CSMD3: variants seen among roughly 807,000 people sequenced by gnomAD.
CSMD3 encodes the protein CUB and sushi domain-containing protein 3.
Under a neutral mutation model 435.2 loss-of-function variants are expected in CSMD3, and 177 were observed. That is an observed-to-expected ratio of 0.41 (90% CI 0.36 to 0.46). The LOEUF is 0.46. Ranked by LOEUF, CSMD3 falls within the 20% of genes least tolerant of loss-of-function variation. CSMD3 has a pLI of 0.34. For missense variants in CSMD3, 4,265 were observed against 4,504.6 expected (o/e 0.95, Z 1.52); for synonymous variants, 1,656 against 1,520.5 (o/e 1.09, Z -2.07).
intron 25 of CSMD3, 63 bp downstream of exon 25, chr8:112,556,700 A>T: frequency 7.3e-7 from 1 of 1,363,828 alleles, no homozygotes; most frequent in South Asian, 1.2e-5. Context: ...TTTCTTAAAA[A>T]TGCAAAGAAT....
chr8:113,105,233 C>T (rs1466262890), intron 4 of CSMD3, among the ~76,000 whole-genome samples: 1 of 152,024 alleles, frequency 6.6e-6, no homozygotes, highest in African/African-American at 2.4e-5. Flanking sequence ...TAGACCAGGT[C>T]TATGAAGAAC....
At chr8:112,759,869 A>G (rs2077795252) in intron 13 of CSMD3, among the ~76,000 whole-genome samples, 1 of 152,100 alleles carries the variant, frequency 6.6e-6, no homozygotes, top group African/African-American at 2.4e-5. Flanking sequence ...AATAATAGCT[A>G]TTATTTATTT....
chr8:113,291,499 A>T (rs1345473027), intron 2 of CSMD3, among the ~76,000 whole-genome samples: 1 of 151,922 alleles, frequency 6.6e-6, no homozygotes, highest in African/African-American at 2.4e-5. Flanking sequence ...AAGCTAAGGT[A>T]TTATGGATTC....
chr8:113,119,677 T>G (rs2090931153), intron 4 of CSMD3, among the ~76,000 whole-genome samples: 1 of 152,146 alleles, frequency 6.6e-6, no homozygotes, highest in Non-Finnish European at 1.5e-5. Flanking sequence ...GCAGCAAATT[T>G]CTATCTAAAT....
chr8:112,260,629 T>G (rs1169187634), intron 61 of CSMD3, among the ~76,000 whole-genome samples: 1 of 152,148 alleles, frequency 6.6e-6, no homozygotes, highest in Non-Finnish European at 1.5e-5. Flanking sequence ...TACTCATCTT[T>G]GTAAAACCTA....
intron 32 of CSMD3, among the ~76,000 whole-genome samples, chr8:112,414,150 C>T (rs945734814): frequency 3.3e-5 from 5 of 152,142 alleles, no homozygotes; most frequent in African/African-American, 7.2e-5. Context: ...TTCTCTACTG[C>T]GAAACCCATC....
At chr8:112,652,414 G>A (rs2075150459) in intron 18 of CSMD3, among the ~76,000 whole-genome samples, 1 of 152,094 alleles carries the variant, frequency 6.6e-6, no homozygotes, top group African/African-American at 2.4e-5. Flanking sequence ...TCTAAAATCA[G>A]AGAAATGGGG....
chr8:112,970,094 A>G (rs1311548431), intron 7 of CSMD3, among the ~76,000 whole-genome samples: 4 of 152,054 alleles, frequency 2.6e-5, no homozygotes, highest in African/African-American at 7.2e-5. Flanking sequence ...CAAAATAATG[A>G]TATTTACTAG....
intron 35 of CSMD3, among the ~76,000 whole-genome samples, chr8:112,406,220 T>C (rs995454701): frequency 6.6e-6 from 1 of 152,178 alleles, no homozygotes; most frequent in Admixed American, 6.5e-5. Context: ...TAATCCCACA[T>C]TAGTAGCAGC....
At chr8:112,734,453 T>C (rs1264529911) in intron 13 of CSMD3, among the ~76,000 whole-genome samples, 1 of 151,988 alleles carries the variant, frequency 6.6e-6, no homozygotes, top group Non-Finnish European at 1.5e-5. Flanking sequence ...AGCTGTCATA[T>C]TTCCTAAAAA....
chr8:112,334,786 A>G (rs971951306), intron 45 of CSMD3, among the ~76,000 whole-genome samples: 3 of 152,206 alleles, frequency 2.0e-5, no homozygotes, highest in African/African-American at 7.2e-5. Context: ...AATCAAATTG[A>G]GACTATACAT....
At chr8:112,322,973 A>G (rs1277988186) in intron 45 of CSMD3, among the ~76,000 whole-genome samples, 2 of 152,078 alleles carry the variant, frequency 1.3e-5, no homozygotes, top group Non-Finnish European at 2.9e-5. Context: ...GCAGTCTCTC[A>G]ACAGTCTTCC....
chr8:113,063,245 A>T (rs1384340102), intron 5 of CSMD3, among the ~76,000 whole-genome samples: 4 of 151,648 alleles, frequency 2.6e-5, no homozygotes, highest in Admixed American at 1.3e-4. Context: ...AGGTTACCTG[A>T]TGCCTTTTAA....
At chr8:112,805,582 G>A (rs1010667997) in intron 12 of CSMD3, among the ~76,000 whole-genome samples, 1 of 152,162 alleles carries the variant, frequency 6.6e-6, no homozygotes, top group Non-Finnish European at 1.5e-5. Context: ...TGATTGACCT[G>A]TGTACAAGAT....
At chr8:112,253,804 G>T (rs928768356) in intron 63 of CSMD3, among the ~76,000 whole-genome samples, 16 of 151,966 alleles carry the variant, frequency 1.1e-4, no homozygotes, top group Non-Finnish European at 2.1e-4. Context: ...AACACTGACA[G>T]CAAGGTCATA....
At chr8:112,225,042 T>C (rs1812444147) in intron 70 of CSMD3, 112 bp from the exon 71 acceptor site, 1 of 1,052,418 alleles carries the variant, frequency 9.5e-7, no homozygotes, top group East Asian at 2.4e-5. Flanking sequence ...AAAATATTAA[T>C]TGAGACATCA....
At chr8:112,883,629 T>C (rs909382717) in intron 10 of CSMD3, among the ~76,000 whole-genome samples, 2 of 151,942 alleles carry the variant, frequency 1.3e-5, no homozygotes, top group South Asian at 2.1e-4. Context: ...TTAACCCAGT[T>C]CCCTTGAATG....
At chr8:112,406,496 C>A (rs2130019944) in intron 35 of CSMD3, 28 bp downstream of exon 35, 1 of 1,492,410 alleles carries the variant, frequency 6.7e-7, no homozygotes, top group South Asian at 1.2e-5. Context: ...TATGTATAAT[C>A]ACAGATCATA....
intron 7 of CSMD3, among the ~76,000 whole-genome samples, chr8:112,966,858 G>A (rs749170963): frequency 2.6e-5 from 4 of 151,762 alleles, no homozygotes; most frequent in Admixed American, 2.0e-4. Flanking sequence ...TGAGTCACTC[G>A]TATGGAATAA....
Sources: gnomAD v4.1 joint callset for allele counts (sites outside exome capture counted in the v4.1 genomes callset) on GRCh38, gnomAD v4.1.1 for gene constraint, MANE v1.5 for transcripts, NCBI Gene and HGNC (gene_info 2026-07-23, HGNC 2026-07-21) for gene names.